RFX4: variants seen among roughly 807,000 people sequenced by gnomAD.
The protein encoded by RFX4 is transcription factor RFX4.
In RFX4, 10 loss-of-function variants were observed where a neutral mutation model predicts 95.0. The observed-to-expected ratio is 0.11, with a 90% CI of 0.06 to 0.18. RFX4 has a LOEUF of 0.18. Ranked by LOEUF, RFX4 falls within the 10% of genes least tolerant of loss-of-function variation. The pLI, the probability that RFX4 is intolerant of heterozygous loss-of-function variation, is 1.00. For synonymous variants in RFX4, 321 were observed against 340.7 expected (o/e 0.94, Z 0.64); for missense variants, 640 against 922.0 (o/e 0.69, Z 3.96).
intron 8 of RFX4, among the ~76,000 whole-genome samples, chr12:106,697,020 G>A (rs182125057): frequency 7.9e-5 from 12 of 152,144 alleles, no homozygotes; most frequent in Non-Finnish European, 1.8e-4. Flanking sequence ...GAGGGATGGA[G>A]GGAGGAGAGT....
intron 4 of RFX4, among the ~76,000 whole-genome samples, chr12:106,660,297 G>GCAGGATTGGAAGGGCACA (rs2041046434): frequency 3.3e-5 from 5 of 152,064 alleles, no homozygotes; most frequent in African/African-American, 9.6e-5. Context: ...CAGGATTAGA[G>GCAGGATTGGAAGGGCACA]GGATGCTTCC....
chr12:106,615,670 G>A (rs1259066386), intron 2 of RFX4, among the ~76,000 whole-genome samples: 1 of 152,098 alleles, frequency 6.6e-6, no homozygotes, highest in Non-Finnish European at 1.5e-5. Flanking sequence ...GTGTTTTGTA[G>A]ATTTCACTGT....
chr12:106,754,625 C>A (rs991331230), intron 17 of RFX4, among the ~76,000 whole-genome samples: 2 of 152,202 alleles, frequency 1.3e-5, no homozygotes, highest in Non-Finnish European at 2.9e-5. Flanking sequence ...AAGCCAAGGT[C>A]TCCTCAAGGC....
intron 4 of RFX4, among the ~76,000 whole-genome samples, chr12:106,664,656 A>G (rs1398848832): frequency 6.6e-6 from 1 of 151,810 alleles, no homozygotes; most frequent in Non-Finnish European, 1.5e-5. Flanking sequence ...TTGATTTTAT[A>G]TCTTTTCCAA....
intron 9 of RFX4, 65 bp from the exon 10 acceptor site, chr12:106,711,388 T>C (rs1331233591): frequency 1.3e-6 from 2 of 1,486,580 alleles, no homozygotes; most frequent in East Asian, 2.3e-5. Flanking sequence ...AATGTGCCCC[T>C]GGAAAATCCA....
chr12:106,697,459 T>TTC (rs397719995), intron 8 of RFX4, among the ~76,000 whole-genome samples: 1 of 151,522 alleles, frequency 6.6e-6, no homozygotes, highest in Non-Finnish European at 1.5e-5. Flanking sequence ...TTTTTTTTTT[T>TTC]AACATGGTGA....
intron 2 of RFX4, among the ~76,000 whole-genome samples, chr12:106,616,369 G>T (rs1392714708): frequency 6.6e-6 from 1 of 152,000 alleles, no homozygotes; most frequent in Non-Finnish European, 1.5e-5. Flanking sequence ...TATATTTCAG[G>T]CTGGATTTTG....
intron 5 of RFX4, 200 bp downstream of exon 5, chr12:106,682,254 C>G: frequency 1.7e-6 from 1 of 576,450 alleles, no homozygotes; most frequent in Non-Finnish European, 3.1e-6. Context: ...AAGCCCAAGA[C>G]GAGTTGGCTC....
At chr12:106,675,917 G>A (rs903272589) in intron 4 of RFX4, among the ~76,000 whole-genome samples, 4 of 152,290 alleles carry the variant, frequency 2.6e-5, no homozygotes, top group Admixed American at 2.6e-4. Context: ...CAAAGGCAGG[G>A]CCAATTAGGC....
At chr12:106,736,832 T>A (rs1281170376) in intron 15 of RFX4, among the ~76,000 whole-genome samples, 1 of 152,136 alleles carries the variant, frequency 6.6e-6, no homozygotes, top group Non-Finnish European at 1.5e-5. Context: ...CTCAAGCTGG[T>A]ACCCTGCCTC....
intron 4 of RFX4, among the ~76,000 whole-genome samples, chr12:106,669,440 G>A (rs912076309): frequency 2.6e-5 from 4 of 152,102 alleles, no homozygotes; most frequent in East Asian, 1.9e-4. Flanking sequence ...CTTTCTCCTC[G>A]CTGACCATCC....
At chr12:106,632,214 A>G (rs2040429844) in intron 2 of RFX4, among the ~76,000 whole-genome samples, 1 of 152,178 alleles carries the variant, frequency 6.6e-6, no homozygotes, top group African/African-American at 2.4e-5. Flanking sequence ...CGTGTTAGGA[A>G]TCATAACTGC....
rs61943281 is a variant in RFX4 at position 106,689,394 on chromosome 12, C to G, written c.669+30C>G. 4,746 of 1,549,358 alleles carry G rather than the reference C, an allele frequency of 3.1e-3. 12 individuals carry two copies. Among genetic ancestry groups the G allele is most frequent in the Non-Finnish European group, 3.8e-3 (4,311 of 1,121,372 alleles). On this transcript the variant is annotated intron_variant, in intron 7 of 17. Coordinates refer to ENST00000392842, the MANE Select transcript of RFX4 (RefSeq NM_213594.3). ...GTCAACAAGGGTTGAGCTGTGAATA[C>G]TCGGTATTAAAAATCTTGTAACACT...
In RFX4 at chr12:106,583,227, T is replaced by C; in HGVS notation, c.-94T>C. On this transcript the variant is annotated 5_prime_UTR_variant, in exon 1 of 18. Coordinates refer to ENST00000392842, the MANE Select transcript of RFX4 (RefSeq NM_213594.3). ...GCGTCTCTCTCTCTCCCCTTCTCCC[T>C]CCCTCCCTCCCTTCCTCCCTGGGCA... 6.8e-6 allele frequency: 3 copies of C among 444,308 alleles called. No homozygotes were observed. The highest frequency in any genetic ancestry group is 6.6e-5 in the East Asian group (1 of 15,104). 27.5% of individuals were successfully genotyped at this position (444,308 alleles called of 1,614,324 possible).
chr12:106,608,734 G>A (rs2039890786), intron 1 of RFX4, 63 bp from the exon 2 acceptor site: 1 of 1,439,242 alleles, frequency 6.9e-7, no homozygotes, highest in Non-Finnish European at 9.4e-7. Context: ...AACACCCACA[G>A]CAATTCTGTG....
chr12:106,684,501 T>G (rs1796299618), intron 5 of RFX4, among the ~76,000 whole-genome samples: 1 of 152,198 alleles, frequency 6.6e-6, no homozygotes, highest in Admixed American at 6.5e-5. Flanking sequence ...GAACTCAAGA[T>G]CAGAGCAGTA....
intron 8 of RFX4, among the ~76,000 whole-genome samples, chr12:106,698,973 T>A (rs953420852): frequency 2.0e-5 from 3 of 152,094 alleles, no homozygotes; most frequent in Non-Finnish European, 2.9e-5. Context: ...TGCTCTTCTT[T>A]TTTTAGTTTC....
chr12:106,588,700 A>G (rs1057169750), intron 1 of RFX4, among the ~76,000 whole-genome samples: 1 of 152,210 alleles, frequency 6.6e-6, no homozygotes, highest in Non-Finnish European at 1.5e-5. Flanking sequence ...CATCAACCCA[A>G]TAAAATTCTA....
At chr12:106,725,685 A>G (rs2042481191) in intron 13 of RFX4, among the ~76,000 whole-genome samples, 1 of 152,076 alleles carries the variant, frequency 6.6e-6, no homozygotes, top group Non-Finnish European at 1.5e-5. Flanking sequence ...GGAAAATGGA[A>G]AAATATGAAA....
Sources: allele counts gnomAD v4.1 joint callset (sites outside exome capture counted in the v4.1 genomes callset), GRCh38; gene constraint gnomAD v4.1.1; transcripts MANE v1.5; gene names NCBI Gene and HGNC (gene_info 2026-07-23, HGNC 2026-07-21).